Variants in DGKB observed in about 807,000 individuals in gnomAD.
DGKB encodes the protein diacylglycerol kinase beta, also known as 90 kDa diacylglycerol kinase.
In DGKB, 67 loss-of-function variants were observed where a neutral mutation model predicts 114.3. That is an observed-to-expected ratio of 0.59 (90% CI 0.48 to 0.72). The LOEUF is 0.72. Ranked by LOEUF, DGKB falls within the 30% of genes least tolerant of loss-of-function variation. The probability of loss-of-function intolerance (pLI) is 0.00; values close to 1 mark genes in which losing one functional copy is unlikely to be tolerated. For missense variants in DGKB, 907 were observed against 975.2 expected, an observed-to-expected ratio of 0.93 and a Z score of 0.93; for synonymous variants, 398 against 323.1, an observed-to-expected ratio of 1.23 and a Z score of -2.49.
At chr7:14,469,876 A>G (rs998070634) in intron 21 of DGKB, among the ~76,000 whole-genome samples, 1 of 151,998 alleles carries the variant, frequency 6.6e-6, no homozygotes, top group Admixed American at 6.6e-5. Context: ...GCAAATATAT[A>G]TGTATACAAA....
chr7:14,764,382 TAA>T (rs757836494), intron 2 of DGKB, among the ~76,000 whole-genome samples: 4 of 152,014 alleles, frequency 2.6e-5, no homozygotes, highest in Non-Finnish European at 4.4e-5. Flanking sequence ...TTACATTTCA[TAA>T]AGTTTCCCTT....
chr7:14,784,421 G>T (rs1437376656), intron 2 of DGKB, among the ~76,000 whole-genome samples: 8 of 150,050 alleles, frequency 5.3e-5, no homozygotes, highest in African/African-American at 2.0e-4. Context: ...AGGCTGGAAG[G>T]CAGTGGTTCG....
rs1781361575 is a variant in DGKB at position 14,145,286 on chromosome 7, A to C, written c.*3845T>G. On this transcript the variant is annotated 3_prime_UTR_variant, in exon 26 of 26. Coordinates refer to ENST00000402815, the MANE Select transcript of DGKB (RefSeq NM_001350709.2). ...CTCTTTTACAGGGTTTTATTTATTT[A>C]TTTTCTTAAAGTTTACAGCTTTAAT... The C allele has an allele frequency of 6.6e-6, 1 of 151,994 alleles. No homozygotes were observed. The highest frequency in any genetic ancestry group is 2.1e-4 in the South Asian group (1 of 4,832). The allele number at this position is 151,994 out of a possible 1,614,324, so 9.4% of individuals were successfully genotyped here.
At chr7:14,694,897 T>G (rs545045133) in intron 8 of DGKB, among the ~76,000 whole-genome samples, 11 of 152,220 alleles carry the variant, frequency 7.2e-5, no homozygotes, top group African/African-American at 2.6e-4. Flanking sequence ...TTAATGGAAA[T>G]TATATATAAG....
intron 23 of DGKB, among the ~76,000 whole-genome samples, chr7:14,244,866 A>G (rs889113677): frequency 2.6e-5 from 4 of 151,930 alleles, no homozygotes; most frequent in African/African-American, 9.7e-5. Context: ...TGGACTTTCT[A>G]GCCTCCAGAA....
At chr7:14,262,464 C>A (rs73682705) in intron 23 of DGKB, among the ~76,000 whole-genome samples, 109 of 152,266 alleles carry the variant, frequency 7.2e-4, no homozygotes, top group African/African-American at 2.6e-3. Context: ...AGTGAGAGCA[C>A]AGGTCCTCTT....
At chr7:14,397,456 G>A (rs917791960) in intron 21 of DGKB, among the ~76,000 whole-genome samples, 1 of 152,056 alleles carries the variant, frequency 6.6e-6, no homozygotes, top group Non-Finnish European at 1.5e-5. Context: ...ACTGTGGAAA[G>A]TGAGTTCTTT....
At chr7:14,625,389 C>A (rs1808394472) in intron 14 of DGKB, among the ~76,000 whole-genome samples, 1 of 152,058 alleles carries the variant, frequency 6.6e-6, no homozygotes, top group African/African-American at 2.4e-5. Flanking sequence ...AAGGGGGAGG[C>A]AACTGTATCC....
chr7:14,941,045 G>A (rs1389299257), intron 1 of DGKB, among the ~76,000 whole-genome samples: 1 of 151,820 alleles, frequency 6.6e-6, no homozygotes, highest in African/African-American at 2.4e-5. Context: ...TCTTGTTATG[G>A]TAAGGACCAT....
intron 23 of DGKB, among the ~76,000 whole-genome samples, chr7:14,181,632 G>C (rs1782647518): frequency 6.6e-6 from 1 of 152,194 alleles, no homozygotes; most frequent in Admixed American, 6.5e-5. Context: ...GAAGGCAGAA[G>C]TTGCAACCAG....
At chr7:14,406,118 G>C (rs940424411) in intron 21 of DGKB, among the ~76,000 whole-genome samples, 2 of 152,000 alleles carry the variant, frequency 1.3e-5, no homozygotes, top group Non-Finnish European at 2.9e-5. Context: ...GCCCCAGAGG[G>C]AGAAGGAGAG....
chr7:14,429,461 G>A (rs1165472583), intron 21 of DGKB, among the ~76,000 whole-genome samples: 2 of 152,146 alleles, frequency 1.3e-5, no homozygotes, highest in Non-Finnish European at 2.9e-5. Flanking sequence ...AATGTTTGTT[G>A]TTTAAGCCAC....
At chr7:14,553,865 CTTTTTTTTTTTTTT>C (rs58879064) in intron 20 of DGKB, among the ~76,000 whole-genome samples, 3 of 71,208 alleles carry the variant, frequency 4.2e-5, no homozygotes, top group East Asian at 4.2e-4. Flanking sequence ...CCTTTACATG[CTTTTTTTTTTTTTT>C]TTTTTTTTTT....
At chr7:14,877,738 C>G (rs933810167) in intron 1 of DGKB, among the ~76,000 whole-genome samples, 7 of 151,898 alleles carry the variant, frequency 4.6e-5, no homozygotes, top group Admixed American at 3.9e-4. Context: ...GTTTATTTAC[C>G]AAGTTGACTT....
At chr7:14,935,406 C>G (rs1785221746) in intron 1 of DGKB, among the ~76,000 whole-genome samples, 2 of 151,928 alleles carry the variant, frequency 1.3e-5, no homozygotes, top group African/African-American at 4.8e-5. Flanking sequence ...ATTAAAATAT[C>G]CCATCAGACA....
intron 23 of DGKB, among the ~76,000 whole-genome samples, chr7:14,282,447 G>C (rs1800127056): frequency 2.7e-5 from 4 of 149,384 alleles, no homozygotes; most frequent in Admixed American, 2.0e-4. Flanking sequence ...GGAGGAACTG[G>C]TACCATTCCT....
chr7:14,278,963 G>C (rs1164716495), intron 23 of DGKB, among the ~76,000 whole-genome samples: 7 of 152,160 alleles, frequency 4.6e-5, no homozygotes, highest in African/African-American at 1.4e-4. Flanking sequence ...ATTTCCATCT[G>C]AGATACGGGG....
At chr7:14,821,912 T>C (rs1402976249) in intron 2 of DGKB, among the ~76,000 whole-genome samples, 6 of 152,096 alleles carry the variant, frequency 3.9e-5, no homozygotes, top group African/African-American at 1.4e-4. Context: ...AATGGTGAAA[T>C]TATTTTAGAT....
intron 21 of DGKB, among the ~76,000 whole-genome samples, chr7:14,357,977 G>T (rs1329888675): frequency 2.0e-5 from 3 of 152,124 alleles, no homozygotes; most frequent in East Asian, 3.8e-4. Flanking sequence ...AGTCTGATGG[G>T]CTTCCCTTTG....
Sources: allele counts gnomAD v4.1 joint callset (sites outside exome capture counted in the v4.1 genomes callset), GRCh38; gene constraint gnomAD v4.1.1; transcripts MANE v1.5; gene names NCBI Gene and HGNC (gene_info 2026-07-23, HGNC 2026-07-21).